Variants in RABGAP1L observed in about 807,000 individuals in gnomAD.
RABGAP1L encodes rab GTPase-activating protein 1-like.
Under a neutral mutation model 137.7 loss-of-function variants are expected in RABGAP1L, and 63 were observed. The ratio of observed to expected loss-of-function variants is 0.46; its 90% CI spans 0.37 to 0.56. The LOEUF (loss-of-function observed/expected upper bound fraction) is 0.56, where lower values mean the gene tolerates loss of function less well. RABGAP1L is among the 20% of genes least tolerant of loss of function. The probability of loss-of-function intolerance (pLI) is 0.00; values close to 1 mark genes in which losing one functional copy is unlikely to be tolerated. For synonymous variants in RABGAP1L, 431 were observed against 433.7 expected, an observed-to-expected ratio of 0.99 and a Z score of 0.08; for missense variants, 1,095 against 1,244.0, an observed-to-expected ratio of 0.88 and a Z score of 1.80.
intron 19 of RABGAP1L, among the ~76,000 whole-genome samples, chr1:174,924,542 C>T (rs1246915676): frequency 6.6e-6 from 1 of 152,112 alleles, no homozygotes; most frequent in Non-Finnish European, 1.5e-5. Flanking sequence ...TCCTACTTCG[C>T]AGAGCATTTA....
intron 13 of RABGAP1L, among the ~76,000 whole-genome samples, chr1:174,537,921 T>A (rs1665022633): frequency 6.6e-6 from 1 of 152,188 alleles, no homozygotes; most frequent in Non-Finnish European, 1.5e-5. Context: ...CTCACCCAGT[T>A]AGTTACTCTC....
At chr1:174,809,034 A>T (rs573139247) in intron 18 of RABGAP1L, among the ~76,000 whole-genome samples, 1 of 152,182 alleles carries the variant, frequency 6.6e-6, no homozygotes, top group African/African-American at 2.4e-5. Context: ...AAGTTTGCCA[A>T]AGTTGAAGTT....
chr1:174,825,241 C>T (rs961100585), intron 19 of RABGAP1L, among the ~76,000 whole-genome samples: 1 of 152,142 alleles, frequency 6.6e-6, no homozygotes, highest in Admixed American at 6.5e-5. Context: ...GGAGTACAAA[C>T]GACATAAAGA....
intron 10 of RABGAP1L, among the ~76,000 whole-genome samples, chr1:174,283,131 A>G (rs1675722140): frequency 6.6e-6 from 1 of 151,924 alleles, no homozygotes; most frequent in African/African-American, 2.4e-5. Context: ...GGCTGGACGC[A>G]GTGGCTCACA....
intron 13 of RABGAP1L, among the ~76,000 whole-genome samples, chr1:174,457,149 T>A (rs1014871931): frequency 3.3e-5 from 5 of 152,170 alleles, no homozygotes; most frequent in African/African-American, 1.2e-4. Flanking sequence ...CATTTTAGAA[T>A]ATGAATTGGC....
intron 19 of RABGAP1L, among the ~76,000 whole-genome samples, chr1:174,892,896 A>ATTTTTT (rs748971722): frequency 4.6e-4 from 42 of 91,856 alleles, no homozygotes; most frequent in Non-Finnish European, 6.1e-4. Flanking sequence ...CACCCAGCTA[A>ATTTTTT]TTTTTTTTTT....
intron 1 of RABGAP1L, among the ~76,000 whole-genome samples, chr1:174,214,887 AAG>A (rs1300089077): frequency 1.3e-5 from 2 of 152,200 alleles, no homozygotes; most frequent in African/African-American, 4.8e-5. Flanking sequence ...TGAAGCTACT[AAG>A]AGAAATTATT....
Position 174,540,038 on chromosome 1 carries a change from T to A in RABGAP1L, c.1711-97337T>A, listed in dbSNP as rs183162365. ...TGGTTTTGATTTGCATTTCTCTGATTGCCAGTGATGATAAGCATTTTTTCA... is the reference window on the plus strand; with the variant it reads ...TGGTTTTGATTTGCATTTCTCTGATAGCCAGTGATGATAAGCATTTTTTCA... On this transcript the variant is annotated intron_variant, in intron 13 of 25. Coordinates refer to ENST00000681986, the MANE Select transcript of RABGAP1L (RefSeq NM_001366446.1). Among the ~76,000 whole-genome samples the A allele has an allele frequency of 7.2e-5, 11 of 152,282 alleles. No individual in the cohort carries two copies. The East Asian group carries it at 2.1e-3, about 29-fold the overall frequency.
chr1:174,587,812 C>G (rs956417450), intron 13 of RABGAP1L, among the ~76,000 whole-genome samples: 1 of 152,188 alleles, frequency 6.6e-6, no homozygotes, highest in South Asian at 2.1e-4. Context: ...CCATCTCAAG[C>G]ATTTATTTCT....
rs530767817 is a variant in RABGAP1L, at chr1:174,601,323, T to C, written c.1711-36052T>C. On this transcript the variant is annotated intron_variant, in intron 13 of 25. Transcript: ENST00000681986. ...CCTGGAGACATTTTCCCCATGGTCTTGGGAATTAACATTAGGCTCCTTGCT... is the reference window on the plus strand; with the variant it reads ...CCTGGAGACATTTTCCCCATGGTCTCGGGAATTAACATTAGGCTCCTTGCT... Among the ~76,000 whole-genome samples, 203 of 152,328 alleles carry C rather than the reference T, an allele frequency of 1.3e-3. 1 individual carries two copies. The highest frequency in any genetic ancestry group is 4.6e-3 in the African/African-American group (191 of 41,564).
chr1:174,356,788 C>G (rs898964892), intron 11 of RABGAP1L, among the ~76,000 whole-genome samples: 2 of 151,988 alleles, frequency 1.3e-5, no homozygotes, highest in Non-Finnish European at 2.9e-5. Context: ...TTTTAGTTAC[C>G]TTTGAAGTGA....
chr1:174,436,543 T>G (rs1653333750), intron 13 of RABGAP1L, among the ~76,000 whole-genome samples: 1 of 152,216 alleles, frequency 6.6e-6, no homozygotes, highest in African/African-American at 2.4e-5. Context: ...TCATTGTAGA[T>G]TCTAGATATT....
At chr1:174,800,216 C>G (rs894601690) in intron 18 of RABGAP1L, 27 of 1,411,758 alleles carry the variant, frequency 1.9e-5, no homozygotes, top group African/African-American at 5.9e-5. Flanking sequence ...ATTCCCACCA[C>G]AGACTGGCTT....
At chr1:174,396,975 CAAAAAAA>C (rs35904728) in intron 13 of RABGAP1L, among the ~76,000 whole-genome samples, 1 of 93,162 alleles carries the variant, frequency 1.1e-5, no homozygotes, top group Admixed American at 1.1e-4. Context: ...GCTGTCTCTA[CAAAAAAA>C]AAAAAAAAAA....
intron 19 of RABGAP1L, among the ~76,000 whole-genome samples, chr1:174,933,315 A>G (rs774604094): frequency 6.6e-6 from 1 of 152,074 alleles, no homozygotes; most frequent in African/African-American, 2.4e-5. Context: ...AAAATGCTGC[A>G]TGCCAGATTG....
At chr1:174,291,220 T>C (rs1282582448) in intron 10 of RABGAP1L, among the ~76,000 whole-genome samples, 2 of 152,110 alleles carry the variant, frequency 1.3e-5, no homozygotes, top group African/African-American at 4.8e-5. Context: ...TTCTGCATCT[T>C]TGTGGTTTTT....
intron 1 of RABGAP1L, among the ~76,000 whole-genome samples, chr1:174,175,359 T>C (rs1665747391): frequency 6.6e-6 from 1 of 152,208 alleles, no homozygotes; most frequent in South Asian, 2.1e-4. Flanking sequence ...AAAGCCTTTC[T>C]TGAGACTGTG....
chr1:174,240,530 G>C (rs1671718937), intron 4 of RABGAP1L, among the ~76,000 whole-genome samples: 1 of 152,224 alleles, frequency 6.6e-6, no homozygotes, highest in African/African-American at 2.4e-5. Flanking sequence ...TTACAGGCGT[G>C]AGCCACTGCG....
chr1:174,629,962 G>A (rs965887074), intron 13 of RABGAP1L, among the ~76,000 whole-genome samples: 2 of 152,054 alleles, frequency 1.3e-5, no homozygotes, highest in Non-Finnish European at 2.9e-5. Context: ...GGGCATCCCT[G>A]TCTTGTGCCA....
Sources: gnomAD v4.1 joint callset for allele counts (sites outside exome capture counted in the v4.1 genomes callset) on GRCh38, gnomAD v4.1.1 for gene constraint, MANE v1.5 for transcripts, NCBI Gene and HGNC (gene_info 2026-07-23, HGNC 2026-07-21) for gene names.